Variants in EBF2 observed in about 807,000 individuals in gnomAD.
EBF2 encodes the protein transcription factor COE2.
In EBF2, 21 loss-of-function variants were observed where a neutral mutation model predicts 72.8. The observed-to-expected ratio is 0.29, with a 90% confidence interval of 0.20 to 0.42. The LOEUF is 0.42. Ranked by LOEUF, EBF2 falls within the 10% of genes least tolerant of loss-of-function variation. The pLI is 1.00. For synonymous variants in EBF2, 299 were observed against 274.2 expected (o/e 1.09, Z -0.89); for missense variants, 637 against 731.2 (o/e 0.87, Z 1.49).
intron 6 of EBF2, among the ~76,000 whole-genome samples, chr8:25,967,528 T>C (rs1303265120): frequency 6.6e-6 from 1 of 152,234 alleles, no homozygotes; most frequent in Non-Finnish European, 1.5e-5. Flanking sequence ...TAATAAAGTG[T>C]TGAAAAGCTC....
At chr8:25,901,081 T>C (rs908991525) in intron 7 of EBF2, among the ~76,000 whole-genome samples, 1 of 152,084 alleles carries the variant, frequency 6.6e-6, no homozygotes, top group Non-Finnish European at 1.5e-5. Flanking sequence ...TGCAACAAAA[T>C]ATTGCATGTA....
At chr8:25,863,855 A>T (rs1802254786) in intron 10 of EBF2, among the ~76,000 whole-genome samples, 1 of 152,160 alleles carries the variant, frequency 6.6e-6, no homozygotes, top group Non-Finnish European at 1.5e-5. Context: ...ACCTATACAC[A>T]TACTTAAAAT....
chr8:25,843,392 TCAAA>T lies in EBF2; in HGVS notation c.*1213_*1216del, dbSNP rs947146185. On this transcript the variant is annotated 3_prime_UTR_variant, in exon 16 of 16. Transcript: ENST00000520164. ...TCTAAGACTGACTCTAAAGAGTCCATCAAACAGAGTTATCTTCTCCAAACCGTGT... is the reference window on the plus strand; with the variant it reads ...TCTAAGACTGACTCTAAAGAGTCCATCAGAGTTATCTTCTCCAAACCGTGT... The T allele has an allele frequency of 3.9e-5, 6 of 152,236 alleles. No individual in the cohort carries two copies. Among genetic ancestry groups the T allele is most frequent in the African/African-American group, 7.2e-5 (3 of 41,454 alleles). The allele number at this position is 152,236 out of a possible 1,614,324, so 9.4% of individuals were successfully genotyped here.
At chr8:26,016,077 A>G (rs1046592227) in intron 6 of EBF2, among the ~76,000 whole-genome samples, 3 of 152,236 alleles carry the variant, frequency 2.0e-5, no homozygotes, top group African/African-American at 7.2e-5. Context: ...CTTGTCTACC[A>G]GTAGTTCAGA....
At chr8:25,928,033 C>T (rs1162890224) in intron 6 of EBF2, among the ~76,000 whole-genome samples, 2 of 152,140 alleles carry the variant, frequency 1.3e-5, no homozygotes, top group Admixed American at 1.3e-4. Context: ...CACGGCTTGT[C>T]TCCTCTCCTA....
chr8:26,035,298 C>T (rs942585178), intron 5 of EBF2, among the ~76,000 whole-genome samples: 2 of 152,124 alleles, frequency 1.3e-5, no homozygotes, highest in African/African-American at 4.8e-5. Flanking sequence ...GTGCACACCA[C>T]CACACTTGGC....
intron 6 of EBF2, among the ~76,000 whole-genome samples, chr8:25,957,530 C>T (rs1269405353): frequency 2.0e-5 from 3 of 152,098 alleles, no homozygotes; most frequent in Non-Finnish European, 2.9e-5. Flanking sequence ...TGGAATGGGT[C>T]CCTTGAGTTA....
chr8:25,902,602 C>G (rs1464405355), intron 7 of EBF2, among the ~76,000 whole-genome samples: 1 of 151,998 alleles, frequency 6.6e-6, no homozygotes, highest in Non-Finnish European at 1.5e-5. Flanking sequence ...GCAATACATA[C>G]AAAAATAAAT....
At chr8:25,844,760 G>T in intron 15 of EBF2, 120 bp from the exon 16 acceptor site, 1 of 1,281,144 alleles carries the variant, frequency 7.8e-7, no homozygotes, top group Non-Finnish European at 1.1e-6. Context: ...AGGAGATGGT[G>T]CCCTCAGCTG....
intron 7 of EBF2, 122 bp from the exon 8 acceptor site, chr8:25,889,991 A>G: frequency 1.3e-6 from 1 of 780,416 alleles, no homozygotes; most frequent in Non-Finnish European, 2.2e-6. Context: ...ATGGGACAGA[A>G]CTTGGGACTC....
intron 6 of EBF2, among the ~76,000 whole-genome samples, chr8:25,953,597 G>A (rs905961104): frequency 2.6e-5 from 4 of 152,094 alleles, no homozygotes; most frequent in African/African-American, 9.7e-5. Flanking sequence ...CAGCTGATTC[G>A]GGATCTGACC....
chr8:25,869,209 C>G (rs138285953), intron 10 of EBF2, among the ~76,000 whole-genome samples: 2 of 152,294 alleles, frequency 1.3e-5, no homozygotes, highest in Non-Finnish European at 2.9e-5. Flanking sequence ...AAGAGAGTAT[C>G]TTTTTGTCTT....
intron 6 of EBF2, among the ~76,000 whole-genome samples, chr8:26,022,574 G>T (rs1472310969): frequency 6.6e-6 from 1 of 152,156 alleles, no homozygotes; most frequent in African/African-American, 2.4e-5. Context: ...CAAAGTGTTT[G>T]TTCCATCTCT....
chr8:26,011,723 T>A (rs1805024957), intron 6 of EBF2, among the ~76,000 whole-genome samples: 1 of 152,152 alleles, frequency 6.6e-6, no homozygotes, highest in African/African-American at 2.4e-5. Flanking sequence ...CCTCATTCAC[T>A]GCTACCGCTC....
intron 6 of EBF2, among the ~76,000 whole-genome samples, chr8:25,990,186 T>TAC (rs1491150136): frequency 2.9e-5 from 4 of 140,312 alleles, no homozygotes; most frequent in Non-Finnish European, 6.0e-5. Flanking sequence ...AGCTATGGGT[T>TAC]ATACACACAC....
intron 6 of EBF2, among the ~76,000 whole-genome samples, chr8:25,944,071 C>A (rs1167198539): frequency 1.3e-5 from 2 of 152,132 alleles, no homozygotes; most frequent in Non-Finnish European, 1.5e-5. Context: ...TTCAAAAAGT[C>A]AACTCCTTAT....
At chr8:25,942,511 A>G (rs564467039) in intron 6 of EBF2, among the ~76,000 whole-genome samples, 2 of 152,300 alleles carry the variant, frequency 1.3e-5, no homozygotes, top group South Asian at 4.1e-4. Context: ...CTTGGGGCCT[A>G]TCCCCCTTAT....
chr8:25,879,243 C>G (rs1460368295), intron 10 of EBF2, among the ~76,000 whole-genome samples: 3 of 152,062 alleles, frequency 2.0e-5, no homozygotes, highest in Non-Finnish European at 4.4e-5. Flanking sequence ...AATAAATATC[C>G]ATCCATGGCA....
intron 6 of EBF2, among the ~76,000 whole-genome samples, chr8:25,960,216 T>A (rs1424598587): frequency 6.6e-6 from 1 of 152,202 alleles, no homozygotes; most frequent in African/African-American, 2.4e-5. Context: ...CTCAACATCA[T>A]GGCCTTACTT....
Sources: gnomAD v4.1 joint callset for allele counts (sites outside exome capture counted in the v4.1 genomes callset) on GRCh38, gnomAD v4.1.1 for gene constraint, MANE v1.5 for transcripts, NCBI Gene and HGNC (gene_info 2026-07-23, HGNC 2026-07-21) for gene names.